Variants in KLHL8 observed in about 807,000 individuals in gnomAD.
The protein encoded by KLHL8 is kelch like family member 8.
Under a neutral mutation model 63.5 loss-of-function variants are expected in KLHL8, and 38 were observed. That is an observed-to-expected ratio of 0.60 (90% CI 0.46 to 0.78). The LOEUF is 0.78. Among genes scored for constraint, KLHL8 ranks in the 30% least tolerant of loss-of-function variants. The pLI is 0.00. For missense variants in KLHL8, 566 were observed against 752.4 expected, an observed-to-expected ratio of 0.75 and a Z score of 2.90; for synonymous variants, 224 against 254.3, an observed-to-expected ratio of 0.88 and a Z score of 1.13.
chr4:87,218,295 C>T (rs532061094), intron 1 of KLHL8, among the ~76,000 whole-genome samples: 3 of 150,598 alleles, frequency 2.0e-5, no homozygotes, highest in East Asian at 3.9e-4. Flanking sequence ...TGGAGTGCAG[C>T]TGCGTGATCT....
Position 87,164,082 on chromosome 4 carries a change from A to C in KLHL8, c.1538-3T>G. 2 of 1,610,698 alleles carry C rather than the reference A, an allele frequency of 1.2e-6. No homozygotes were observed. Among genetic ancestry groups the C allele is most frequent in the East Asian group, 2.2e-5 (1 of 44,858 alleles). On this transcript the variant is annotated splice_polypyrimidine_tract_variant and splice_region_variant and intron_variant, in intron 8 of 9. Transcript: ENST00000273963. ...AGGAGAATTATCATCAAAACCACCT[A>C]TGTAAAGAAATATTTTAAAAACAGC...
At chr4:87,196,208 TA>T (rs1731692814) in intron 1 of KLHL8, among the ~76,000 whole-genome samples, 2 of 151,798 alleles carry the variant, frequency 1.3e-5, no homozygotes, top group Non-Finnish European at 2.9e-5. Context: ...TAAAGTTCAC[TA>T]AAGATTTTTT....
chr4:87,167,377 T>C, intron 8 of KLHL8: 2 of 444,306 alleles, frequency 4.5e-6, no homozygotes, highest in East Asian at 5.5e-5. Flanking sequence ...TATGGTTTTA[T>C]TCATCCTGGT....
rs773628185 is a variant in KLHL8 at position 87,170,438 on chromosome 4, A to G, written c.1377+9T>C. The G allele has an allele frequency of 3.8e-6, 6 of 1,587,778 alleles. No individual in the cohort carries two copies. Among genetic ancestry groups the G allele is most frequent in the Admixed American group, 1.9e-5 (1 of 52,674 alleles). ...ATGTAATTTAATGACAAGTTGCCAT[A>G]TAACTTACTACTAGAGCAACAGAGC... On this transcript the variant is annotated intron_variant, in intron 7 of 9. Transcript: ENST00000273963.
chr4:87,197,030 T>C (rs1435948996), intron 1 of KLHL8, among the ~76,000 whole-genome samples: 6 of 152,240 alleles, frequency 3.9e-5, no homozygotes, highest in Admixed American at 3.9e-4. Flanking sequence ...TTAGGTTCTT[T>C]ATTGTTAATC....
chr4:87,169,696 T>C (rs1349945991), intron 8 of KLHL8, among the ~76,000 whole-genome samples: 2 of 152,008 alleles, frequency 1.3e-5, no homozygotes, highest in African/African-American at 2.4e-5. Context: ...AACCCATCTC[T>C]ACAAAAAACA....
At chr4:87,198,972 G>C (rs1460872563) in intron 1 of KLHL8, among the ~76,000 whole-genome samples, 2 of 152,150 alleles carry the variant, frequency 1.3e-5, no homozygotes, top group Non-Finnish European at 2.9e-5. Context: ...GGAAACATAA[G>C]ATCTATTACT....
chr4:87,196,287 A>G (rs1731699380), intron 1 of KLHL8, among the ~76,000 whole-genome samples: 1 of 152,186 alleles, frequency 6.6e-6, no homozygotes. Flanking sequence ...AACAGATGAT[A>G]ACAATTAAGT....
chr4:87,170,029 C>G, intron 8 of KLHL8, 50 bp downstream of exon 8: 1 of 1,417,582 alleles, frequency 7.1e-7, no homozygotes, highest in Non-Finnish European at 9.9e-7. Flanking sequence ...TGTTATATGA[C>G]ACTTGTCATT....
At chr4:87,168,809 C>T (rs12650299) in intron 8 of KLHL8, among the ~76,000 whole-genome samples, 2 of 14,658 alleles carry the variant, frequency 1.4e-4, no homozygotes, top group East Asian at 5.1e-3. Flanking sequence ...CATATATATA[C>T]ACACACATAT....
intron 1 of KLHL8, among the ~76,000 whole-genome samples, chr4:87,225,745 A>C (rs1732961517): frequency 6.6e-6 from 1 of 152,264 alleles, no homozygotes. Context: ...AAGCTAAAAC[A>C]GAAAGCATCA....
chr4:87,198,592 T>C (rs904227869), intron 1 of KLHL8, among the ~76,000 whole-genome samples: 55 of 152,276 alleles, frequency 3.6e-4, no homozygotes, highest in Middle Eastern at 3.4e-3. Context: ...TATAACATTC[T>C]CAAAATGACA....
At chr4:87,174,425 C>A (rs568815364) in intron 6 of KLHL8, among the ~76,000 whole-genome samples, 1 of 152,056 alleles carries the variant, frequency 6.6e-6, no homozygotes, top group South Asian at 2.1e-4. Flanking sequence ...ATTACAGGCA[C>A]CCGCCACCAC....
chr4:87,211,656 G>A (rs534615264), intron 1 of KLHL8, among the ~76,000 whole-genome samples: 13 of 152,288 alleles, frequency 8.5e-5, no homozygotes, highest in African/African-American at 3.1e-4. Flanking sequence ...GCCAGGCATA[G>A]TGGCACATGC....
At chr4:87,209,921 T>C (rs1732330324) in intron 1 of KLHL8, among the ~76,000 whole-genome samples, 1 of 150,518 alleles carries the variant, frequency 6.6e-6, no homozygotes, top group Non-Finnish European at 1.5e-5. Flanking sequence ...TGGCGCAATC[T>C]TGGCTTACTG....
At chr4:87,227,032 T>C in intron 1 of KLHL8, among the ~76,000 whole-genome samples, 1 of 118,068 alleles carries the variant, frequency 8.5e-6, no homozygotes, top group Non-Finnish European at 1.6e-5. Flanking sequence ...ATATTATATT[T>C]CCTTTCTGAT....
chr4:87,204,277 A>G (rs1453714519), intron 1 of KLHL8, among the ~76,000 whole-genome samples: 1 of 152,138 alleles, frequency 6.6e-6, no homozygotes, highest in Non-Finnish European at 1.5e-5. Context: ...CATCTATTAG[A>G]ATGGCTAAAA....
chr4:87,232,594 A>G (rs922927167), intron 1 of KLHL8, among the ~76,000 whole-genome samples: 2 of 152,208 alleles, frequency 1.3e-5, no homozygotes, highest in African/African-American at 4.8e-5. Flanking sequence ...AAAAATGCCA[A>G]ATTGTCTTCC....
chr4:87,215,311 G>A (rs933745231), intron 1 of KLHL8, among the ~76,000 whole-genome samples: 4 of 152,082 alleles, frequency 2.6e-5, no homozygotes, highest in African/African-American at 9.7e-5. Flanking sequence ...TATATATAAA[G>A]TATGCTGCAA....
Sources: allele counts gnomAD v4.1 joint callset (sites outside exome capture counted in the v4.1 genomes callset), GRCh38; gene constraint gnomAD v4.1.1; transcripts MANE v1.5; gene names NCBI Gene and HGNC (gene_info 2026-07-23, HGNC 2026-07-21).